PARP16: variants seen among roughly 807,000 people sequenced by gnomAD.
The protein encoded by PARP16 is protein mono-ADP-ribosyltransferase PARP16.
In PARP16, 31 loss-of-function variants were observed where a neutral mutation model predicts 35.0. The ratio of observed to expected loss-of-function variants is 0.88; its 90% CI spans 0.66 to 1.19. The LOEUF (loss-of-function observed/expected upper bound fraction) is 1.19, where lower values mean the gene tolerates loss of function less well. PARP16 is among the 50% of genes most tolerant of loss of function. PARP16 has a pLI of 0.00. For synonymous variants in PARP16, 162 were observed against 169.5 expected (o/e 0.96, Z 0.34); for missense variants, 424 against 411.2 (o/e 1.03, Z -0.27).
At chr15:65,257,299 C>T (rs1274058512), downstream of PARP16, among the ~76,000 whole-genome samples, 1 of 152,122 alleles carries the variant, frequency 6.6e-6, no homozygotes, top group Non-Finnish European at 1.5e-5. Context: ...CGCCTGTAAT[C>T]CCAGCTACTC....
At chr15:65,283,121 A>G (rs1485989116) in intron 1 of PARP16, among the ~76,000 whole-genome samples, 3 of 152,044 alleles carry the variant, frequency 2.0e-5, no homozygotes, top group Non-Finnish European at 4.4e-5. Context: ...CCACTTAGAG[A>G]TATGTTTCTT....
Position 65,271,031 on chromosome 15 carries a change from G to A in PARP16, c.216C>T (p.Leu72=). 1.2e-6 allele frequency: 2 copies of A among 1,614,076 alleles called. No homozygotes were observed. The highest frequency in any genetic ancestry group is 1.7e-6 in the Non-Finnish European group (2 of 1,179,960). The change falls in exon 2 of 6, where the codon CTC becomes CTT. Residue 72 remains leucine (L), a synonymous_variant. Coordinates refer to ENST00000649807, the MANE Select transcript of PARP16 (RefSeq NM_001316943.2). ...GTTTGTGGTTGTCTCCGGAGGACTG[G>A]AGAAGTTCTTTCAGGTTAGGTAACT... ...ASKLPNLKEL[L]QSSGDNHKRA...
chr15:65,268,831 T>C (rs1223205311), intron 2 of PARP16, among the ~76,000 whole-genome samples: 3 of 152,212 alleles, frequency 2.0e-5, no homozygotes, highest in Admixed American at 2.0e-4. Flanking sequence ...CTTGGCTCAC[T>C]GCAGCCTCCA....
chr15:65,238,076 C>T (rs994623242), intron 3 of PARP16, among the ~76,000 whole-genome samples: 5 of 151,948 alleles, frequency 3.3e-5, no homozygotes, highest in Non-Finnish European at 7.4e-5. Flanking sequence ...ACCTGAGGTC[C>T]GGAGTTTGAG....
intron 2 of PARP16, among the ~76,000 whole-genome samples, chr15:65,269,299 C>T (rs2090020929): frequency 6.6e-6 from 1 of 151,980 alleles, no homozygotes. Flanking sequence ...CGGCTTCAAG[C>T]GATTCTCCTG....
intron 1 of PARP16, among the ~76,000 whole-genome samples, chr15:65,282,258 C>T (rs1189634477): frequency 6.6e-6 from 1 of 152,208 alleles, no homozygotes; most frequent in Admixed American, 6.5e-5. Context: ...AATGACCCGC[C>T]CCAGCCTCCC....
rs189363277 is a variant in PARP16, at chr15:65,281,477, G to C, written c.174+4776C>G. Among the ~76,000 whole-genome samples the C allele has an allele frequency of 8.8e-4, 134 of 152,232 alleles. 1 individual carries two copies. The highest frequency in any genetic ancestry group is 1.6e-3 in the Non-Finnish European group (109 of 68,006). ...GGCCGAGGAGGGCGAATCACCTGAG[G>C]TCAGGAGTTCAAAACCAGCCTTGAC... On this transcript the variant is annotated intron_variant, in intron 1 of 5. Transcript: ENST00000649807.
rs34983139 is a variant in PARP16 at position 65,240,309 on chromosome 15, T to TGG, written c.*98-5488_*98-5487dup. Reference sequence around the variant, plus strand: ...CACGCCTGGCTAGTGTGTGTGTGTGTGGTGGGGGGGGCTAGTGTGTGTGTG... The same window carrying TGG: ...CACGCCTGGCTAGTGTGTGTGTGTGTGGGGTGGGGGGGGCTAGTGTGTGTGTG... On this transcript the variant is annotated intron_variant and NMD_transcript_variant, in intron 3 of 3. Coordinates refer to the PARP16 transcript ENST00000559805. Among the ~76,000 whole-genome samples the TGG allele has an allele frequency of 6.9e-3, 596 of 86,482 alleles. 8 individuals are homozygous for TGG. Among genetic ancestry groups the TGG allele is most frequent in the East Asian group, 0.029 (24 of 826 alleles). The allele number at this position is 86,482 out of a possible 152,430, so 56.7% of individuals were successfully genotyped here.
At chr15:65,247,714 A>C (rs1342585332) in intron 3 of PARP16, among the ~76,000 whole-genome samples, 1 of 151,846 alleles carries the variant, frequency 6.6e-6, no homozygotes, top group African/African-American at 2.4e-5. Flanking sequence ...GGAAAAACAC[A>C]TATGAACATT....
chr15:65,260,084 C>T (rs934390704), intron 5 of PARP16, among the ~76,000 whole-genome samples: 2 of 152,102 alleles, frequency 1.3e-5, no homozygotes, highest in African/African-American at 4.8e-5. Context: ...ATAATGTCAC[C>T]TGGACCCAGG....
rs559495274 is a variant in PARP16, at chr15:65,249,266, C to A, written c.203-1038G>T. On this transcript the variant is annotated intron_variant and NMD_transcript_variant, in intron 2 of 3. Coordinates refer to the PARP16 transcript ENST00000559805. ...TGTAAAATGAGCCATTTGAGTGTGA[C>A]GACTTCAGATCTAGCTGGAATGGTG... is the stretch of plus-strand genomic sequence containing the variant. Among the ~76,000 whole-genome samples, 126 of 152,320 alleles carry A rather than the reference C, an allele frequency of 8.3e-4. 2 individuals are homozygous for A. Among genetic ancestry groups the A allele is most frequent in the Middle Eastern group, 6.8e-3 (2 of 294 alleles).
rs1256806330 is a variant in PARP16 at position 65,258,487 on chromosome 15, CCA to C, written c.*918_*919del. The C allele has an allele frequency of 6.6e-6, 1 of 152,232 alleles. No individual in the cohort carries two copies. Among genetic ancestry groups the C allele is most frequent in the Non-Finnish European group, 1.5e-5 (1 of 68,060 alleles). The allele number at this position is 152,232 out of a possible 1,614,324, so 9.4% of individuals were successfully genotyped here. A position where few individuals can be genotyped will look rare whatever the true frequency, so the allele number is the denominator to read the frequency against. On this transcript the variant is annotated 3_prime_UTR_variant, in exon 6 of 6. Transcript: ENST00000649807. ...AAAGCATGGCACTCGTGGTTGCAGG[CCA>C]CAGTCAAGGCAGCTTTGTGAGAATG...
chr15:65,261,409 T>C (rs2089711401), intron 4 of PARP16, among the ~76,000 whole-genome samples: 1 of 147,962 alleles, frequency 6.8e-6, no homozygotes, highest in East Asian at 2.0e-4. Flanking sequence ...ATATTTTATA[T>C]ATAAAATGCC....
intron 3 of PARP16, among the ~76,000 whole-genome samples, chr15:65,264,113 A>G (rs1384995039): frequency 1.3e-5 from 2 of 152,214 alleles, no homozygotes; most frequent in East Asian, 1.9e-4. Flanking sequence ...ATTGGGGTTG[A>G]CCAAGAAAAC....
At chr15:65,253,016 G>A (rs1240383953) in intron 2 of PARP16, among the ~76,000 whole-genome samples, 1 of 151,888 alleles carries the variant, frequency 6.6e-6, no homozygotes, top group Non-Finnish European at 1.5e-5. Context: ...TGTAATCCCA[G>A]CTACTTGGGA....
intron 3 of PARP16, among the ~76,000 whole-genome samples, chr15:65,235,611 C>T (rs1247257975): frequency 7.8e-6 from 1 of 128,988 alleles, no homozygotes. Context: ...AACACCAGCC[C>T]AGGCAATATG....
intron 2 of PARP16, among the ~76,000 whole-genome samples, chr15:65,249,520 C>T (rs1378481127): frequency 6.6e-6 from 1 of 152,230 alleles, no homozygotes; most frequent in South Asian, 2.1e-4. Flanking sequence ...CTCCCTTGTA[C>T]CCACTCACCA....
intron 3 of PARP16, among the ~76,000 whole-genome samples, chr15:65,244,982 G>A (rs577360552): frequency 5.3e-5 from 8 of 152,174 alleles, no homozygotes; most frequent in Non-Finnish European, 1.2e-4. Flanking sequence ...GAAGGAAAAG[G>A]CCCAGGCCTA....
chr15:65,248,294 T>C (rs2089264812), intron 2 of PARP16: 1 of 456,248 alleles, frequency 2.2e-6, no homozygotes, highest in African/African-American at 2.0e-5. Flanking sequence ...AAATCATAAA[T>C]CAAGAATGAG....
Sources: gnomAD v4.1 joint callset for allele counts (sites outside exome capture counted in the v4.1 genomes callset) on GRCh38, gnomAD v4.1.1 for gene constraint, MANE v1.5 for transcripts, NCBI Gene and HGNC (gene_info 2026-07-23, HGNC 2026-07-21) for gene names.